The following ADAMTS9 variants were observed in gnomAD, a reference collection of about 807,000 sequenced individuals.
The protein encoded by ADAMTS9 is ADAM metallopeptidase with thrombospondin type 1 motif 9, also known as A disintegrin and metalloproteinase with thrombospondin motifs 9.
ADAMTS9 carries 107 observed loss-of-function variants against 257.1 expected under a neutral mutation model. The observed-to-expected ratio is 0.42, with a 90% CI of 0.36 to 0.49. ADAMTS9 has a LOEUF of 0.49. Ranked by LOEUF, ADAMTS9 falls within the 20% of genes least tolerant of loss-of-function variation. The pLI, the probability that ADAMTS9 is intolerant of heterozygous loss-of-function variation, is 0.03. For missense variants in ADAMTS9, 2,353 were observed against 2,469.1 expected (o/e 0.95, Z 1.00); for synonymous variants, 982 against 880.9 (o/e 1.11, Z -2.03).
At chr3:64,586,420 G>T (rs2084154779) in intron 28 of ADAMTS9, among the ~76,000 whole-genome samples, 1 of 152,136 alleles carries the variant, frequency 6.6e-6, no homozygotes, top group Admixed American at 6.5e-5. Context: ...TATTTCAGAA[G>T]AAAATGGCTT....
intron 19 of ADAMTS9, among the ~76,000 whole-genome samples, chr3:64,619,204 T>C (rs954452507): frequency 6.6e-6 from 1 of 152,142 alleles, no homozygotes; most frequent in Non-Finnish European, 1.5e-5. Flanking sequence ...CTGCTGTATC[T>C]ATAGTTATAA....
chr3:64,538,078 T>C (rs1231387263), intron 37 of ADAMTS9, among the ~76,000 whole-genome samples: 1 of 152,176 alleles, frequency 6.6e-6, no homozygotes, highest in African/African-American at 2.4e-5. Context: ...ACTGCAGACG[T>C]TGTAGAACTG....
chr3:64,676,767 G>A (rs1701634020), intron 3 of ADAMTS9, among the ~76,000 whole-genome samples: 2 of 152,220 alleles, frequency 1.3e-5, no homozygotes, highest in Non-Finnish European at 2.9e-5. Context: ...TTACACAATT[G>A]TCTGATTATT....
intron 26 of ADAMTS9, among the ~76,000 whole-genome samples, chr3:64,598,822 C>T (rs745822561): frequency 6.6e-6 from 1 of 152,072 alleles, no homozygotes; most frequent in Non-Finnish European, 1.5e-5. Context: ...TATTATGTCA[C>T]CTGTCAGCTT....
At chr3:64,563,306 A>G (rs1208252531) in intron 29 of ADAMTS9, 2 of 152,210 alleles carry the variant, frequency 1.3e-5, no homozygotes, top group Non-Finnish European at 2.9e-5. Flanking sequence ...ATCATCATCA[A>G]TAAACAACAA....
chr3:64,541,819 C>A lies in ADAMTS9; in HGVS notation c.5197+19G>T, dbSNP rs1168458422. ...TGTTCTTCATGCTAAAGAAAGATAA[C>A]TTCAGTTGGCCAACTTACAGTTATA... On this transcript the variant is annotated intron_variant, in intron 33 of 39. Coordinates refer to ENST00000498707, the MANE Select transcript of ADAMTS9 (RefSeq NM_182920.2). 6.2e-7 allele frequency: 1 copy of A among 1,613,742 alleles called. No individual in the cohort carries two copies. Among genetic ancestry groups the A allele is most frequent in the Non-Finnish European group, 8.5e-7 (1 of 1,179,898 alleles).
rs138831544 is a variant in ADAMTS9 at position 64,544,396 on chromosome 3, C to G, written c.5064+2362G>C. On this transcript the variant is annotated intron_variant, in intron 32 of 39. Transcript: ENST00000498707. Reference sequence around the variant, plus strand: ...AGGCTACAGTAACCAAAACAGCATGCTACTGGTACCAAAATAGAGACATAG... The same window carrying G: ...AGGCTACAGTAACCAAAACAGCATGGTACTGGTACCAAAATAGAGACATAG... 8.1e-3 allele frequency among the ~76,000 whole-genome samples: 1,228 copies of G among 152,222 alleles called. 10 individuals are homozygous for G. Among genetic ancestry groups the G allele is most frequent in the African/African-American group, 0.027 (1,141 of 41,540 alleles).
At chr3:64,685,920 A>G (rs926546942) in intron 2 of ADAMTS9, among the ~76,000 whole-genome samples, 18 of 151,984 alleles carry the variant, frequency 1.2e-4, no homozygotes, top group Non-Finnish European at 7.4e-5. Context: ...TTCCACCCCA[A>G]TTCAAAGCGT....
chr3:64,522,137 CACAG>C (rs760948540), intron 39 of ADAMTS9, 25 bp downstream of exon 39: 7 of 1,593,376 alleles, frequency 4.4e-6, no homozygotes, highest in Non-Finnish European at 6.0e-6. Context: ...AAGACAAATA[CACAG>C]ACAGACAGAC....
Position 64,634,678 on chromosome 3 carries a change from G to A in ADAMTS9, c.1857-799C>T, listed in dbSNP as rs1192293977. The stretch of plus-strand genomic sequence containing the variant: ...GCATGCCAAATTCATCATGGAAACA[G>A]GAAGATCACAGAATCGTAGGACGTT... On this transcript the variant is annotated intron_variant, in intron 12 of 39. Transcript: ENST00000498707. Among the ~76,000 whole-genome samples the A allele has an allele frequency of 2.6e-5, 4 of 152,186 alleles. No homozygotes were observed. The East Asian group carries it at 7.7e-4, about 29-fold the overall frequency.
chr3:64,591,568 G>A (rs916357141), intron 28 of ADAMTS9, among the ~76,000 whole-genome samples: 17 of 152,150 alleles, frequency 1.1e-4, no homozygotes, highest in Non-Finnish European at 2.4e-4. Flanking sequence ...TCTTAAATCC[G>A]CAATGACTTG....
intron 2 of ADAMTS9, among the ~76,000 whole-genome samples, chr3:64,684,138 G>C (rs1302177021): frequency 1.3e-5 from 2 of 152,164 alleles, no homozygotes. Context: ...ATTTGTGGAG[G>C]AAAGATTGGG....
chr3:64,610,991 G>A (rs561316134), intron 22 of ADAMTS9, among the ~76,000 whole-genome samples: 24 of 146,610 alleles, frequency 1.6e-4, no homozygotes, highest in Non-Finnish European at 2.8e-4. Flanking sequence ...CAGGAGAATC[G>A]CTTGAACCCA....
intron 29 of ADAMTS9, among the ~76,000 whole-genome samples, chr3:64,566,735 A>G (rs559399283): frequency 5.9e-5 from 9 of 152,182 alleles, no homozygotes; most frequent in Non-Finnish European, 1.0e-4. Flanking sequence ...AATAAAACAG[A>G]TAAGTAGAGG....
chr3:64,641,704 AC>A, intron 12 of ADAMTS9, 143 bp downstream of exon 12: 1 of 968,312 alleles, frequency 1.0e-6, no homozygotes, highest in Non-Finnish European at 1.5e-6. Context: ...GACTTTGGGT[AC>A]CGTGGGTCTA....
intron 16 of ADAMTS9, among the ~76,000 whole-genome samples, chr3:64,629,281 T>C (rs544957946): frequency 1.3e-5 from 2 of 152,268 alleles, no homozygotes; most frequent in South Asian, 2.1e-4. Flanking sequence ...GAGTGCTCCT[T>C]TAAAAACATA....
intron 26 of ADAMTS9, among the ~76,000 whole-genome samples, chr3:64,599,865 C>T (rs2084427034): frequency 6.6e-6 from 1 of 152,154 alleles, no homozygotes; most frequent in Non-Finnish European, 1.5e-5. Context: ...TGCTGCAACA[C>T]ACAGCTGATT....
At chr3:64,570,712 A>AG (rs1287668600) in intron 28 of ADAMTS9, among the ~76,000 whole-genome samples, 2 of 151,634 alleles carry the variant, frequency 1.3e-5, no homozygotes, top group Admixed American at 1.3e-4. Flanking sequence ...AAAAAAAAAA[A>AG]AAAAAAAAAA....
chr3:64,571,861 A>G (rs1485451492), intron 28 of ADAMTS9, among the ~76,000 whole-genome samples: 1 of 152,208 alleles, frequency 6.6e-6, no homozygotes, highest in Admixed American at 6.5e-5. Flanking sequence ...CACAAGTTTC[A>G]GCTCTTACAT....
Sources: gnomAD v4.1 joint callset for allele counts (sites outside exome capture counted in the v4.1 genomes callset) on GRCh38, gnomAD v4.1.1 for gene constraint, MANE v1.5 for transcripts, NCBI Gene and HGNC (gene_info 2026-07-23, HGNC 2026-07-21) for gene names.